Variants in FHIT observed in about 807,000 individuals in gnomAD.
FHIT encodes the protein bis(5'-adenosyl)-triphosphatase.
In FHIT, 19 loss-of-function variants were observed where a neutral mutation model predicts 17.9. That is an observed-to-expected ratio of 1.06 (90% CI 0.74 to 1.56). The LOEUF is 1.56. Among genes scored for constraint, FHIT ranks in the 40% most tolerant of loss-of-function variants. The pLI is 0.00. For synonymous variants in FHIT, 81 were observed against 69.7 expected (o/e 1.16, Z -0.81); for missense variants, 248 against 189.2 (o/e 1.31, Z -1.82).
intron 3 of FHIT, among the ~76,000 whole-genome samples, chr3:60,939,446 A>C (rs1345041880): frequency 1.3e-5 from 2 of 152,170 alleles, no homozygotes; most frequent in Non-Finnish European, 2.9e-5. Flanking sequence ...GCCAACCCTG[A>C]CCTAGAATCC....
chr3:60,579,114 C>T (rs2037670094), intron 4 of FHIT, among the ~76,000 whole-genome samples: 1 of 152,110 alleles, frequency 6.6e-6, no homozygotes, highest in Admixed American at 6.6e-5. Context: ...TCATGCATTG[C>T]TTAACAATGA....
intron 5 of FHIT, among the ~76,000 whole-genome samples, chr3:60,353,736 T>C (rs1186063535): frequency 6.6e-6 from 1 of 152,120 alleles, no homozygotes; most frequent in African/African-American, 2.4e-5. Context: ...CCAGAAGTAT[T>C]TGAGTGGCTG....
chr3:59,848,131 C>T (rs1239117621), intron 8 of FHIT, among the ~76,000 whole-genome samples: 9 of 152,168 alleles, frequency 5.9e-5, no homozygotes, highest in Non-Finnish European at 7.3e-5. Context: ...GTGGCTCCCA[C>T]AAGCCATGTG....
intron 4 of FHIT, among the ~76,000 whole-genome samples, chr3:60,769,666 G>C (rs1007258870): frequency 6.6e-6 from 1 of 152,220 alleles, no homozygotes; most frequent in Admixed American, 6.5e-5. Context: ...GAAACAGTGA[G>C]ATTGGTTACA....
intron 4 of FHIT, among the ~76,000 whole-genome samples, chr3:60,808,956 G>A (rs893432867): frequency 1.2e-4 from 18 of 152,122 alleles, no homozygotes; most frequent in Admixed American, 5.2e-4. Flanking sequence ...AACAGTTTTT[G>A]TATGTGAGAT....
At chr3:60,537,666 C>A (rs1008161165) in intron 4 of FHIT, among the ~76,000 whole-genome samples, 1 of 151,958 alleles carries the variant, frequency 6.6e-6, no homozygotes, top group Non-Finnish European at 1.5e-5. Context: ...CATGGGGGGC[C>A]GGGGGCAGGA....
At chr3:60,043,168 C>T (rs1701513282) in intron 5 of FHIT, among the ~76,000 whole-genome samples, 1 of 152,242 alleles carries the variant, frequency 6.6e-6, no homozygotes, top group Admixed American at 6.5e-5. Flanking sequence ...GCAACACCAA[C>T]AGCTGCACAG....
chr3:59,889,680 T>C (rs1489808149), intron 8 of FHIT, among the ~76,000 whole-genome samples: 1 of 152,214 alleles, frequency 6.6e-6, no homozygotes, highest in African/African-American at 2.4e-5. Context: ...TAAGACATAA[T>C]TGCTAATAAA....
At chr3:59,914,377 A>C (rs1053446577) in intron 8 of FHIT, among the ~76,000 whole-genome samples, 45 of 152,146 alleles carry the variant, frequency 3.0e-4, no homozygotes, top group African/African-American at 1.1e-3. Context: ...GATTCTAAAC[A>C]TCAGGCTATG....
chr3:60,017,810 C>G (rs1700401378), intron 5 of FHIT, among the ~76,000 whole-genome samples: 2 of 152,208 alleles, frequency 1.3e-5, no homozygotes, highest in Admixed American at 1.3e-4. Context: ...TCAGAATACA[C>G]ACAATGAAAG....
chr3:60,536,731 G>T, intron 5 of FHIT, 129 bp downstream of exon 5: 1 of 945,440 alleles, frequency 1.1e-6, no homozygotes, highest in Non-Finnish European at 1.5e-6. Flanking sequence ...TCTCCGAAGT[G>T]GGAGGGAGAT....
intron 5 of FHIT, among the ~76,000 whole-genome samples, chr3:60,373,614 G>T (rs1213035297): frequency 6.6e-6 from 1 of 152,126 alleles, no homozygotes; most frequent in Non-Finnish European, 1.5e-5. Context: ...GCTCAGTGGA[G>T]AAAGCAGACT....
chr3:61,048,691 C>T (rs966199877), intron 2 of FHIT, among the ~76,000 whole-genome samples: 15 of 152,080 alleles, frequency 9.9e-5, no homozygotes, highest in African/African-American at 2.9e-4. Context: ...ATGTTTATTG[C>T]GGCACGATTC....
chr3:61,117,040 T>C (rs562960759), intron 2 of FHIT, among the ~76,000 whole-genome samples: 105 of 152,286 alleles, frequency 6.9e-4, no homozygotes, highest in Non-Finnish European at 1.3e-3. Flanking sequence ...CCAACTAGTT[T>C]ACAGTACAAA....
intron 5 of FHIT, among the ~76,000 whole-genome samples, chr3:60,284,377 T>C (rs945128352): frequency 6.6e-6 from 1 of 152,084 alleles, no homozygotes; most frequent in Admixed American, 6.5e-5. Flanking sequence ...GTTCCAAACA[T>C]AGTATGTGGC....
intron 5 of FHIT, among the ~76,000 whole-genome samples, chr3:60,264,970 A>G (rs549082286): frequency 6.6e-6 from 1 of 152,010 alleles, no homozygotes; most frequent in East Asian, 1.9e-4. Flanking sequence ...TTACACATAA[A>G]AAGAATGACT....
chr3:61,025,415 C>T (rs2032681012), intron 3 of FHIT, among the ~76,000 whole-genome samples: 1 of 152,162 alleles, frequency 6.6e-6, no homozygotes, highest in South Asian at 2.1e-4. Context: ...GCAATGTCTC[C>T]AAAGTGCTAA....
chr3:60,259,242 A>G (rs1359263122), intron 5 of FHIT, among the ~76,000 whole-genome samples: 1 of 152,112 alleles, frequency 6.6e-6, no homozygotes, highest in East Asian at 1.9e-4. Context: ...AAAATATCTG[A>G]AAACTAAAAC....
chr3:61,107,368 C>T (rs1439344920), intron 2 of FHIT, among the ~76,000 whole-genome samples: 1 of 152,142 alleles, frequency 6.6e-6, no homozygotes, highest in Non-Finnish European at 1.5e-5. Flanking sequence ...CTTTATCCAT[C>T]ATATATTGAT....
Sources: gnomAD v4.1 joint callset for allele counts (sites outside exome capture counted in the v4.1 genomes callset) on GRCh38, gnomAD v4.1.1 for gene constraint, MANE v1.5 for transcripts, NCBI Gene and HGNC (gene_info 2026-07-23, HGNC 2026-07-21) for gene names.